The following WWOX variants were observed in gnomAD, a reference collection of about 807,000 sequenced individuals.
The protein encoded by WWOX is WW domain containing oxidoreductase.
Under a neutral mutation model 46.2 loss-of-function variants are expected in WWOX, and 69 were observed. The ratio of observed to expected loss-of-function variants is 1.49; its 90% confidence interval spans 1.23 to 1.82. WWOX has a LOEUF of 1.82. WWOX is among the 40% of genes most tolerant of loss of function. The pLI, the probability that WWOX is intolerant of heterozygous loss-of-function variation, is 0.00. For synonymous variants in WWOX, 359 were observed against 202.6 expected, an observed-to-expected ratio of 1.77 and a Z score of -6.56; for missense variants, 919 against 542.6, an observed-to-expected ratio of 1.69 and a Z score of -6.89.
At chr16:78,181,685 A>G (rs1411384414) in intron 5 of WWOX, among the ~76,000 whole-genome samples, 1 of 152,172 alleles carries the variant, frequency 6.6e-6, no homozygotes, top group Non-Finnish European at 1.5e-5. Context: ...TTCTTGCTAT[A>G]AAGAGAGTAA....
At chr16:78,310,279 A>G (rs1369366047) in intron 5 of WWOX, among the ~76,000 whole-genome samples, 4 of 152,210 alleles carry the variant, frequency 2.6e-5, no homozygotes, top group African/African-American at 9.6e-5. Flanking sequence ...TGGCTTTTCT[A>G]GAAACGTGTG....
At chr16:78,997,750 A>G (rs762616337) in intron 8 of WWOX, among the ~76,000 whole-genome samples, 2 of 151,950 alleles carry the variant, frequency 1.3e-5, no homozygotes, top group Non-Finnish European at 2.9e-5. Context: ...AGCTGGCTTT[A>G]GAGAGGATAG....
intron 8 of WWOX, among the ~76,000 whole-genome samples, chr16:78,630,604 C>G (rs2046405778): frequency 6.6e-6 from 1 of 152,166 alleles, no homozygotes; most frequent in Admixed American, 6.5e-5. Flanking sequence ...TGGAAGAGGA[C>G]ATTTGGAATC....
chr16:78,302,064 G>T (rs1048884943), intron 5 of WWOX, among the ~76,000 whole-genome samples: 2 of 151,674 alleles, frequency 1.3e-5, no homozygotes, highest in Non-Finnish European at 2.9e-5. Flanking sequence ...GGGTTCAAGC[G>T]ATTCTCCTGC....
At chr16:78,888,388 G>C (rs1056515860) in intron 8 of WWOX, among the ~76,000 whole-genome samples, 1 of 152,154 alleles carries the variant, frequency 6.6e-6, no homozygotes, top group African/African-American at 2.4e-5. Flanking sequence ...TGGCCCTTGG[G>C]TCCCTGTTGT....
chr16:78,889,451 C>T (rs548181556), intron 8 of WWOX, among the ~76,000 whole-genome samples: 2 of 149,250 alleles, frequency 1.3e-5, no homozygotes, highest in South Asian at 2.1e-4. Context: ...CTTGATGTGT[C>T]TCAGAGTGAT....
intron 8 of WWOX, among the ~76,000 whole-genome samples, chr16:78,483,506 A>C (rs2084549665): frequency 6.6e-6 from 1 of 150,476 alleles, no homozygotes; most frequent in Non-Finnish European, 1.5e-5. Context: ...AGACAGTAAG[A>C]TTTATAATGT....
At chr16:78,155,754 C>G (rs1390734238) in intron 4 of WWOX, among the ~76,000 whole-genome samples, 1 of 152,148 alleles carries the variant, frequency 6.6e-6, no homozygotes, top group African/African-American at 2.4e-5. Context: ...TTTGCACAAA[C>G]TTTGGCACTG....
At chr16:78,437,270 A>G (rs752739037) in intron 8 of WWOX, among the ~76,000 whole-genome samples, 3 of 152,194 alleles carry the variant, frequency 2.0e-5, no homozygotes, top group African/African-American at 4.8e-5. Context: ...TTTTAGTTAC[A>G]GTAATTAGGT....
chr16:78,107,393 T>C (rs896224895), intron 1 of WWOX, among the ~76,000 whole-genome samples: 1 of 152,198 alleles, frequency 6.6e-6, no homozygotes, highest in Non-Finnish European at 1.5e-5. Context: ...ACTGATTTGT[T>C]CAGAATAACA....
chr16:78,479,222 T>C (rs1476615713), intron 8 of WWOX, among the ~76,000 whole-genome samples: 4 of 152,240 alleles, frequency 2.6e-5, no homozygotes, highest in Non-Finnish European at 5.9e-5. Flanking sequence ...CCAATACGTA[T>C]TGAATACCTA....
At chr16:78,434,068 C>T (rs1445546632) in intron 8 of WWOX, among the ~76,000 whole-genome samples, 2 of 152,052 alleles carry the variant, frequency 1.3e-5, no homozygotes, top group South Asian at 2.1e-4. Flanking sequence ...GGATTACAGG[C>T]GTGAGCCACC....
intron 8 of WWOX, among the ~76,000 whole-genome samples, chr16:78,536,258 A>G (rs1407721281): frequency 6.6e-6 from 1 of 152,002 alleles, no homozygotes; most frequent in Non-Finnish European, 1.5e-5. Context: ...TGTAAATGTC[A>G]TGTAGATTTT....
At chr16:79,046,021 C>T (rs1444323160) in intron 8 of WWOX, among the ~76,000 whole-genome samples, 1 of 151,974 alleles carries the variant, frequency 6.6e-6, no homozygotes, top group East Asian at 1.9e-4. Flanking sequence ...AGGCTGGCCT[C>T]GAGCTCCTGA....
intron 8 of WWOX, among the ~76,000 whole-genome samples, chr16:78,836,010 A>G (rs2051972377): frequency 2.0e-5 from 3 of 152,156 alleles, no homozygotes; most frequent in Non-Finnish European, 2.9e-5. Context: ...GTTCCCTTCA[A>G]TGTATTTCAA....
chr16:78,935,219 A>G (rs2045710715), intron 8 of WWOX, among the ~76,000 whole-genome samples: 1 of 152,206 alleles, frequency 6.6e-6, no homozygotes, highest in South Asian at 2.1e-4. Context: ...ATCTAGAACT[A>G]GAAATACCAT....
At chr16:78,701,450 A>AG (rs1317530312) in intron 8 of WWOX, among the ~76,000 whole-genome samples, 1 of 152,032 alleles carries the variant, frequency 6.6e-6, no homozygotes, top group East Asian at 1.9e-4. Context: ...ATGGCCACAT[A>AG]GGTGGCAGTG....
At chr16:79,024,579 A>C (rs1039836758) in intron 8 of WWOX, among the ~76,000 whole-genome samples, 4 of 151,850 alleles carry the variant, frequency 2.6e-5, no homozygotes, top group African/African-American at 9.7e-5. Context: ...GACTACAGGC[A>C]CCCACCACCA....
intron 8 of WWOX, among the ~76,000 whole-genome samples, chr16:78,584,998 G>C (rs2045159620): frequency 6.6e-6 from 1 of 152,208 alleles, no homozygotes; most frequent in South Asian, 2.1e-4. Context: ...GAGGCAGAAA[G>C]GCCGAGATGA....
Sources: allele counts gnomAD v4.1 joint callset (sites outside exome capture counted in the v4.1 genomes callset), GRCh38; gene constraint gnomAD v4.1.1; transcripts MANE v1.5; gene names NCBI Gene and HGNC (gene_info 2026-07-23, HGNC 2026-07-21).